PRKACB: variants seen among roughly 807,000 people sequenced by gnomAD.
PRKACB encodes the protein protein kinase cAMP-activated catalytic subunit beta.
A neutral mutation model predicts 51.4 loss-of-function variants in PRKACB; 16 were observed. The observed-to-expected ratio is 0.31, with a 90% CI of 0.21 to 0.47. The LOEUF is 0.47. Ranked by LOEUF, PRKACB falls within the 20% of genes least tolerant of loss-of-function variation. The pLI is 1.00. For missense variants in PRKACB, 309 were observed against 464.5 expected, an observed-to-expected ratio of 0.67 and a Z score of 3.08; for synonymous variants, 147 against 154.4, an observed-to-expected ratio of 0.95 and a Z score of 0.35.
At chr1:84,201,354 CA>C (rs1410165358) in intron 7 of PRKACB, among the ~76,000 whole-genome samples, 1 of 151,748 alleles carries the variant, frequency 6.6e-6, no homozygotes, top group Non-Finnish European at 1.5e-5. Flanking sequence ...ATTATTAGTT[CA>C]TTTCCTTGGC....
In PRKACB at chr1:84,092,991, C is replaced by G. The variant is rs1648609345; in HGVS notation, c.46+14620C>G. 2.0e-5 allele frequency among the ~76,000 whole-genome samples: 3 copies of G among 150,746 alleles called. No individual in the cohort carries two copies. In the South Asian group the frequency reaches 6.3e-4, roughly 32 times the overall value. On this transcript the variant is annotated intron_variant, in intron 1 of 8. Coordinates refer to the PRKACB transcript ENST00000370688. The stretch of plus-strand genomic sequence containing the variant: ...TTATTTAACATGGGTACAGGATTTT[C>G]CCCCCAGACGTATGTACTACAAATG...
intron 1 of PRKACB, among the ~76,000 whole-genome samples, chr1:84,163,437 CT>C (rs1197837538): frequency 1.3e-5 from 2 of 151,980 alleles, no homozygotes; most frequent in African/African-American, 4.8e-5. Context: ...TTTCAGCTTG[CT>C]TTTTTCGTTG....
intron 1 of PRKACB, among the ~76,000 whole-genome samples, chr1:84,167,148 T>C (rs1348041058): frequency 6.6e-6 from 1 of 151,616 alleles, no homozygotes; most frequent in South Asian, 2.1e-4. Flanking sequence ...CTCTTCTCAA[T>C]CCTATTATAA....
rs2101622798 is a variant in PRKACB, at chr1:84,220,839, T to G, written c.1071+6522T>G. The stretch of plus-strand genomic sequence containing the variant: ...ATTTGTTGTGTTGTTGGATTTTTGT[T>G]AGCTAGTGTTTTGTTAAAAATTTTT... On this transcript the variant is annotated intron_variant, in intron 9 of 9. Transcript: ENST00000370685. Among the ~76,000 whole-genome samples the G allele has an allele frequency of 2.6e-5, 4 of 152,278 alleles. No individual in the cohort carries two copies. In the South Asian group the frequency reaches 8.3e-4, roughly 32 times the overall value.
chr1:84,193,533 T>C (rs954717338), intron 5 of PRKACB, among the ~76,000 whole-genome samples: 1 of 152,150 alleles, frequency 6.6e-6, no homozygotes, highest in South Asian at 2.1e-4. Flanking sequence ...AAAGGAGAAG[T>C]TTTACGTTTT....
intron 9 of PRKACB, among the ~76,000 whole-genome samples, chr1:84,231,302 G>T (rs1675606615): frequency 1.3e-5 from 2 of 152,182 alleles, no homozygotes; most frequent in Non-Finnish European, 2.9e-5. Flanking sequence ...GCTTTTGGAT[G>T]TGCTGCTGGA....
chr1:84,101,721 G>T (rs1016226909), intron 1 of PRKACB, among the ~76,000 whole-genome samples: 1 of 152,180 alleles, frequency 6.6e-6, no homozygotes, highest in African/African-American at 2.4e-5. Context: ...GTTGAAGCTA[G>T]TTACTGTATT....
chr1:84,079,067 A>G (rs1571491368), intron 1 of PRKACB, among the ~76,000 whole-genome samples: 1 of 152,296 alleles, frequency 6.6e-6, no homozygotes, highest in South Asian at 2.1e-4. Flanking sequence ...TTCTTCTGAG[A>G]GCGGAAGGTG....
chr1:84,169,568 A>G (rs1658705838), intron 1 of PRKACB, among the ~76,000 whole-genome samples: 1 of 151,730 alleles, frequency 6.6e-6, no homozygotes, highest in South Asian at 2.1e-4. Context: ...GATAAAAATT[A>G]TAAGATGGAA....
chr1:84,202,614 A>G (rs1363423280), intron 7 of PRKACB, 69 bp from the exon 8 acceptor site: 2 of 1,457,750 alleles, frequency 1.4e-6, no homozygotes, highest in Non-Finnish European at 1.8e-6. Context: ...TCATTTTGAA[A>G]TTATCTTTGA....
At chr1:84,151,267 A>G (rs1288533234) in intron 1 of PRKACB, among the ~76,000 whole-genome samples, 3 of 152,172 alleles carry the variant, frequency 2.0e-5, no homozygotes, top group Non-Finnish European at 4.4e-5. Context: ...TATCTTTTTA[A>G]AAGTACATAT....
intron 1 of PRKACB, among the ~76,000 whole-genome samples, chr1:84,147,239 A>G (rs1444510328): frequency 6.6e-6 from 1 of 152,046 alleles, no homozygotes; most frequent in Non-Finnish European, 1.5e-5. Flanking sequence ...AGATTTAAAT[A>G]TATTAAACAA....
chr1:84,138,597 CA>C (rs1379522666), intron 1 of PRKACB, among the ~76,000 whole-genome samples: 2 of 152,106 alleles, frequency 1.3e-5, no homozygotes, highest in Non-Finnish European at 2.9e-5. Context: ...GGAAATTCTA[CA>C]AAACATTTAA....
chr1:84,139,940 G>C (rs142202047), upstream of PRKACB, among the ~76,000 whole-genome samples: 1,349 of 152,170 alleles, frequency 8.9e-3, 19 homozygotes, highest in African/African-American at 0.03. Context: ...TGCATCTGTA[G>C]TCCCAGCTAC....
intron 1 of PRKACB, among the ~76,000 whole-genome samples, chr1:84,121,315 CTTG>C (rs958719193): frequency 1.5e-4 from 22 of 151,484 alleles, no homozygotes; most frequent in Admixed American, 7.2e-4. Context: ...CTAAATTTAT[CTTG>C]TTTTTTTAAT....
intron 2 of PRKACB, chr1:84,181,839 T>C: frequency 2.8e-6 from 2 of 710,162 alleles, no homozygotes; most frequent in Non-Finnish European, 4.1e-6. Flanking sequence ...ATGCCTCTGG[T>C]CAGTTTGTAA....
At chr1:84,158,522 TTTC>T (rs1235669903) in intron 1 of PRKACB, among the ~76,000 whole-genome samples, 1 of 151,996 alleles carries the variant, frequency 6.6e-6, no homozygotes, top group Non-Finnish European at 1.5e-5. Context: ...TTGAGTCGTT[TTTC>T]TTCTTATTAT....
intron 1 of PRKACB, among the ~76,000 whole-genome samples, chr1:84,118,790 C>T (rs78206703): frequency 6.6e-6 from 1 of 152,206 alleles, no homozygotes; most frequent in East Asian, 1.9e-4. Context: ...ATATTTACTT[C>T]TTCAGTTGAG....
intron 1 of PRKACB, among the ~76,000 whole-genome samples, chr1:84,122,030 T>A (rs1157050117): frequency 6.6e-6 from 1 of 152,108 alleles, no homozygotes; most frequent in Non-Finnish European, 1.5e-5. Flanking sequence ...CTCTTATAAA[T>A]CCTAGCAGAT....
Sources: allele counts gnomAD v4.1 joint callset (sites outside exome capture counted in the v4.1 genomes callset), GRCh38; gene constraint gnomAD v4.1.1; transcripts MANE v1.5; gene names NCBI Gene and HGNC (gene_info 2026-07-23, HGNC 2026-07-21).